Variants in COL19A1 observed in about 807,000 individuals in gnomAD.
COL19A1 encodes the protein collagen type XIX alpha 1 chain.
Under a neutral mutation model 190.2 loss-of-function variants are expected in COL19A1, and 159 were observed. That is an observed-to-expected ratio of 0.84 (90% confidence interval 0.73 to 0.95). The LOEUF (loss-of-function observed/expected upper bound fraction) is 0.95. Ranked by LOEUF, COL19A1 falls within the 40% of genes least tolerant of loss-of-function variation. COL19A1 has a pLI of 0.00. For missense variants in COL19A1, 1,418 were observed against 1,431.9 expected, an observed-to-expected ratio of 0.99 and a Z score of 0.16; for synonymous variants, 509 against 458.9, an observed-to-expected ratio of 1.11 and a Z score of -1.39.
intron 49 of COL19A1, among the ~76,000 whole-genome samples, chr6:70,205,332 G>C (rs1767790024): frequency 6.6e-6 from 1 of 152,148 alleles, no homozygotes. Flanking sequence ...GATAACCCCT[G>C]CTATCTAAAA....
chr6:70,038,088 A>G (rs1427286006), intron 14 of COL19A1, among the ~76,000 whole-genome samples: 1 of 152,238 alleles, frequency 6.6e-6, no homozygotes, highest in Admixed American at 6.5e-5. Context: ...TGATCTTATA[A>G]TACAGGTTGG....
chr6:70,168,464 C>T (rs1765298939), intron 39 of COL19A1, among the ~76,000 whole-genome samples, 191 bp from the exon 40 acceptor site: 1 of 152,084 alleles, frequency 6.6e-6, no homozygotes, highest in East Asian at 1.9e-4. Context: ...AAGTCAATGT[C>T]CAAGCAATCA....
chr6:70,105,910 A>C (rs910001050), intron 16 of COL19A1, among the ~76,000 whole-genome samples: 1 of 152,226 alleles, frequency 6.6e-6, no homozygotes, highest in Non-Finnish European at 1.5e-5. Flanking sequence ...TCATTTAAAC[A>C]TTATGTTTGA....
chr6:69,936,849 T>A lies in COL19A1; in HGVS notation c.812T>A (p.Met271Lys), dbSNP rs1041500180. Residue 271 changes from methionine (M) to lysine (K), a missense_variant, in exon 8 of 51, where the codon ATG (methionine) becomes AAG (lysine). Coordinates refer to ENST00000620364, the MANE Select transcript of COL19A1 (RefSeq NM_001858.6). ...SSWVTAHASK[M>K]SSYLPAKQEL... Reference sequence around the variant, plus strand: ...TGGGTAACTGCTCATGCCAGTAAAATGTCTTCATATCTGCCAGCAAAGCAG... The same window carrying A: ...TGGGTAACTGCTCATGCCAGTAAAAAGTCTTCATATCTGCCAGCAAAGCAG... The A allele has an allele frequency of 4.3e-6, 7 of 1,613,126 alleles. No individual in the cohort carries two copies. The highest frequency in any genetic ancestry group is 5.9e-6 in the Non-Finnish European group (7 of 1,179,354).
intron 14 of COL19A1, among the ~76,000 whole-genome samples, chr6:70,043,414 G>C (rs578121339): frequency 2.6e-5 from 4 of 152,024 alleles, no homozygotes; most frequent in African/African-American, 7.2e-5. Flanking sequence ...GGATGGTCTC[G>C]ATCTCCTGAC....
At chr6:70,025,623 A>G (rs562041519) in intron 12 of COL19A1, among the ~76,000 whole-genome samples, 1 of 152,194 alleles carries the variant, frequency 6.6e-6, no homozygotes, top group Non-Finnish European at 1.5e-5. Flanking sequence ...TCTGAAATGG[A>G]TAGAATTTGG....
chr6:70,098,726 G>A (rs1018882440), intron 15 of COL19A1: 2 of 224,478 alleles, frequency 8.9e-6, no homozygotes, highest in Non-Finnish European at 1.8e-5. Context: ...TAGCTCTTAG[G>A]TAGGCTTTTG....
chr6:69,918,571 C>T (rs1393025475), intron 4 of COL19A1, among the ~76,000 whole-genome samples: 2 of 151,988 alleles, frequency 1.3e-5, no homozygotes. Context: ...CCAGGTATGG[C>T]TGCACGTGCC....
chr6:70,196,037 A>G (rs952077719), intron 48 of COL19A1, among the ~76,000 whole-genome samples: 3 of 152,234 alleles, frequency 2.0e-5, no homozygotes, highest in African/African-American at 2.4e-5. Flanking sequence ...TTAAGGTGGC[A>G]AATGATTGAG....
At chr6:70,099,336 A>C (rs1783484403) in intron 15 of COL19A1, among the ~76,000 whole-genome samples, 1 of 152,136 alleles carries the variant, frequency 6.6e-6, no homozygotes, top group Admixed American at 6.5e-5. Flanking sequence ...ATGGCACCAC[A>C]AGTGGAAAAT....
intron 4 of COL19A1, among the ~76,000 whole-genome samples, chr6:69,906,616 C>T (rs1435056436): frequency 2.6e-5 from 4 of 152,026 alleles, no homozygotes; most frequent in Non-Finnish European, 4.4e-5. Flanking sequence ...AAATTTAATA[C>T]GATTTATGAG....
chr6:70,157,283 G>T (rs1787498980), intron 34 of COL19A1, among the ~76,000 whole-genome samples: 1 of 152,108 alleles, frequency 6.6e-6, no homozygotes, highest in African/African-American at 2.4e-5. Context: ...TTGGACTAAG[G>T]TTCCAAGTCC....
At chr6:70,115,579 G>T (rs1266570788) in intron 16 of COL19A1, among the ~76,000 whole-genome samples, 1 of 152,102 alleles carries the variant, frequency 6.6e-6, no homozygotes, top group Non-Finnish European at 1.5e-5. Context: ...GCATAACCTG[G>T]AGAGCAGGCA....
At chr6:70,122,348 G>A (rs1784932045) in intron 17 of COL19A1, among the ~76,000 whole-genome samples, 2 of 152,076 alleles carry the variant, frequency 1.3e-5, no homozygotes, top group African/African-American at 2.4e-5. Flanking sequence ...GCAAATATTT[G>A]CATACTACAG....
At chr6:70,078,262 C>T (rs1326042186) in intron 15 of COL19A1, among the ~76,000 whole-genome samples, 2 of 152,152 alleles carry the variant, frequency 1.3e-5, no homozygotes, top group Non-Finnish European at 2.9e-5. Flanking sequence ...CATTTGAGTG[C>T]CTGTTTTGTG....
chr6:70,170,844 C>CTGGTAATAT (rs1765455135), intron 40 of COL19A1, among the ~76,000 whole-genome samples: 1 of 152,088 alleles, frequency 6.6e-6, no homozygotes, highest in Non-Finnish European at 1.5e-5. Context: ...AGTTATATCC[C>CTGGTAATAT]TGGTAATATT....
chr6:70,133,195 A>G (rs1462786859), intron 18 of COL19A1, among the ~76,000 whole-genome samples: 1 of 152,216 alleles, frequency 6.6e-6, no homozygotes, highest in Non-Finnish European at 1.5e-5. Flanking sequence ...GAATAATTAA[A>G]CACATAAGTG....
chr6:69,944,279 C>T (rs977140077), intron 9 of COL19A1, among the ~76,000 whole-genome samples: 4 of 152,144 alleles, frequency 2.6e-5, no homozygotes, highest in South Asian at 4.1e-4. Context: ...ATTGTCATCA[C>T]GCATCTATTT....
chr6:70,119,885 G>A (rs928588682), intron 16 of COL19A1, among the ~76,000 whole-genome samples: 12 of 152,208 alleles, frequency 7.9e-5, no homozygotes, highest in Non-Finnish European at 1.3e-4. Flanking sequence ...GAGGTCAGGA[G>A]TTCAAGACCA....
Sources: allele counts gnomAD v4.1 joint callset (sites outside exome capture counted in the v4.1 genomes callset), GRCh38; gene constraint gnomAD v4.1.1; transcripts MANE v1.5; gene names NCBI Gene and HGNC (gene_info 2026-07-23, HGNC 2026-07-21).